The following RIOK3 variants were observed in gnomAD, a reference collection of about 807,000 sequenced individuals.
The protein encoded by RIOK3 is serine/threonine-protein kinase RIO3.
A neutral mutation model predicts 63.5 loss-of-function variants in RIOK3; 40 were observed. The ratio of observed to expected loss-of-function variants is 0.63; its 90% CI spans 0.49 to 0.82. The LOEUF (loss-of-function observed/expected upper bound fraction) is 0.82. RIOK3 is among the 40% of genes least tolerant of loss of function. RIOK3 has a pLI of 0.00. For missense variants in RIOK3, 557 were observed against 637.0 expected (o/e 0.87, Z 1.35); for synonymous variants, 193 against 205.0 (o/e 0.94, Z 0.50).
intron 5 of RIOK3, among the ~76,000 whole-genome samples, chr18:23,465,856 GGTACAAT>G (rs2057403280): frequency 6.6e-6 from 1 of 152,152 alleles, no homozygotes. Flanking sequence ...CTAAAAGCAA[GGTACAAT>G]GCACATGCCG....
At chr18:23,479,522 C>G (rs190679470) in intron 12 of RIOK3, 98 bp downstream of exon 12, 2 of 634,520 alleles carry the variant, frequency 3.2e-6, no homozygotes, top group East Asian at 5.6e-5. Context: ...CCCTTTCCCC[C>G]AAAACAAAAT....
intron 1 of RIOK3, among the ~76,000 whole-genome samples, chr18:23,455,905 C>A (rs903268490): frequency 1.1e-4 from 17 of 152,174 alleles, no homozygotes; most frequent in African/African-American, 4.1e-4. Context: ...TCAAGCAATT[C>A]TTCTTCCTCA....
chr18:23,479,154 C>T, intron 11 of RIOK3, 163 bp from the exon 12 acceptor site: 1 of 529,168 alleles, frequency 1.9e-6, no homozygotes, highest in Non-Finnish European at 3.4e-6. Context: ...TAGGTTATTC[C>T]TAATGATTCT....
chr18:23,480,122 G>T (rs2057521641), intron 12 of RIOK3, among the ~76,000 whole-genome samples: 1 of 152,126 alleles, frequency 6.6e-6, no homozygotes, highest in South Asian at 2.1e-4. Context: ...TATAATATCA[G>T]ATCTAGAGAA....
At position 23,482,179 on chromosome 18, in the gene RIOK3, T is replaced by G. The variant is rs1455406073; in HGVS notation, c.*900T>G. 1 of 152,168 alleles carries G rather than the reference T, an allele frequency of 6.6e-6. No individual in the cohort carries two copies. The highest frequency in any genetic ancestry group is 1.5e-5 in the Non-Finnish European group (1 of 68,030). 9.4% of individuals were successfully genotyped at this position (152,168 alleles called of 1,614,324 possible). On this transcript the variant is annotated 3_prime_UTR_variant, in exon 13 of 13. Transcript: ENST00000339486. ...TTGATTTTCAGAGAAATATCACAAA[T>G]TAGAAATATTAAATCTAAGGATGAA... is the stretch of plus-strand genomic sequence containing the variant.
chr18:23,465,634 T>A (rs1448206975), intron 5 of RIOK3, among the ~76,000 whole-genome samples: 1 of 152,192 alleles, frequency 6.6e-6, no homozygotes, highest in East Asian at 1.9e-4. Context: ...GGTGGTATAA[T>A]AGAGGAACTG....
chr18:23,460,556 A>T (rs2057367313), intron 1 of RIOK3, among the ~76,000 whole-genome samples: 1 of 152,206 alleles, frequency 6.6e-6, no homozygotes, highest in South Asian at 2.1e-4. Context: ...AATCTATGTA[A>T]GTTATGTATA....
At chr18:23,462,703 T>G (rs2057379977) in intron 1 of RIOK3, among the ~76,000 whole-genome samples, 1 of 152,246 alleles carries the variant, frequency 6.6e-6, no homozygotes, top group African/African-American at 2.4e-5. Flanking sequence ...CCAGTGGGCC[T>G]GATGCTTCCC....
chr18:23,455,879 C>T (rs929954261), intron 1 of RIOK3, among the ~76,000 whole-genome samples: 1 of 150,930 alleles, frequency 6.6e-6, no homozygotes, highest in Admixed American at 6.6e-5. Context: ...CTCACTGCAA[C>T]CTCCGCCTCC....
At chr18:23,477,700 C>G (rs1157360559) in intron 11 of RIOK3, among the ~76,000 whole-genome samples, 1 of 149,102 alleles carries the variant, frequency 6.7e-6, no homozygotes, top group Non-Finnish European at 1.5e-5. Flanking sequence ...GAGGCAGAGG[C>G]TGCAGTGAGC....
At chr18:23,473,284 G>A in intron 7 of RIOK3, 145 bp from the exon 8 acceptor site, 3 of 528,208 alleles carry the variant, frequency 5.7e-6, no homozygotes, top group South Asian at 5.9e-5. Context: ...GCTTTATTAA[G>A]ATCCAAAACC....
chr18:23,467,360 T>G (rs768608883), intron 6 of RIOK3, 39 bp from the exon 7 acceptor site: 1 of 1,579,902 alleles, frequency 6.3e-7, no homozygotes, highest in South Asian at 1.2e-5. Context: ...ATTTTGTGAT[T>G]AGCAGTCATT....
chr18:23,479,563 T>A lies in RIOK3; in HGVS notation c.1452+139T>A, dbSNP rs554861732. The stretch of plus-strand genomic sequence containing the variant: ...TGAGATTTTTCTTTTCTTAAGATGT[T>A]TTTGGTTTTTTCTTTTTTTCTTTTT... On this transcript the variant is annotated intron_variant, in intron 12 of 12. Coordinates refer to ENST00000339486, the MANE Select transcript of RIOK3 (RefSeq NM_003831.5). The A allele has an allele frequency of 1.4e-5, 8 of 579,678 alleles. No individual in the cohort carries two copies. The East Asian group carries it at 2.0e-4, about 15-fold the overall frequency. 35.9% of individuals were successfully genotyped at this position (579,678 alleles called of 1,614,324 possible). A position where few individuals can be genotyped will look rare whatever the true frequency, so the allele number is the denominator to read the frequency against.
At chr18:23,480,555 G>GTGCACACACA (rs1555621690) in intron 12 of RIOK3, among the ~76,000 whole-genome samples, 4 of 141,988 alleles carry the variant, frequency 2.8e-5, no homozygotes, top group African/African-American at 1.1e-4. Flanking sequence ...TTGGATGCAC[G>GTGCACACACA]CACACACACA....
chr18:23,480,592 T>C (rs3081705), intron 12 of RIOK3, among the ~76,000 whole-genome samples: 46,084 of 111,284 alleles, frequency 0.41, 7,440 homozygotes, highest in East Asian at 0.55. Flanking sequence ...CACACACACA[T>C]AGTAATTTCA....
In RIOK3 at chr18:23,479,409, T is replaced by C. The variant is rs2057516692; in HGVS notation, c.1437T>C (p.Ala479=). 3 of 1,612,280 alleles carry C rather than the reference T, an allele frequency of 1.9e-6. No individual in the cohort carries two copies. In the East Asian group the frequency reaches 6.7e-5, roughly 36 times the overall value. Residue 479 remains alanine, a synonymous_variant, in exon 12 of 13, where the codon GCT becomes GCC. Transcript: ENST00000339486. ...SGLNITADNE[A]DFLAEIEALE... ...TAAACATCACAGCAGATAATGAAGCTGATTTTTTAGCTGAGGTATGTGATA... is the reference window on the plus strand; with the variant it reads ...TAAACATCACAGCAGATAATGAAGCCGATTTTTTAGCTGAGGTATGTGATA...
intron 7 of RIOK3, among the ~76,000 whole-genome samples, chr18:23,471,271 C>T (rs2057454702): frequency 6.6e-6 from 1 of 152,222 alleles, no homozygotes; most frequent in South Asian, 2.1e-4. Flanking sequence ...AGTGACACAT[C>T]TAAGATACAT....
chr18:23,472,165 G>A (rs1379208840), intron 7 of RIOK3, among the ~76,000 whole-genome samples: 1 of 152,016 alleles, frequency 6.6e-6, no homozygotes, highest in Non-Finnish European at 1.5e-5. Flanking sequence ...CCCGGGAGGT[G>A]GAGGTTGCAG....
At chr18:23,455,820 A>G (rs972267649) in intron 1 of RIOK3, among the ~76,000 whole-genome samples, 3 of 150,056 alleles carry the variant, frequency 2.0e-5, no homozygotes, top group Non-Finnish European at 3.0e-5. Context: ...TTTTTTTGAG[A>G]CGGAGCCTCG....
Sources: allele counts gnomAD v4.1 joint callset (sites outside exome capture counted in the v4.1 genomes callset), GRCh38; gene constraint gnomAD v4.1.1; transcripts MANE v1.5; gene names NCBI Gene and HGNC (gene_info 2026-07-23, HGNC 2026-07-21).